Variants in REL observed in about 807,000 individuals in gnomAD.
The protein encoded by REL is REL proto-oncogene, NF-kB subunit.
In REL, 15 loss-of-function variants were observed where a neutral mutation model predicts 45.9. The ratio of observed to expected loss-of-function variants is 0.33; its 90% CI spans 0.22 to 0.50. REL has a LOEUF of 0.50. Among genes scored for constraint, REL ranks in the 20% least tolerant of loss-of-function variants. REL has a pLI of 0.98. For missense variants in REL, 601 were observed against 715.2 expected (o/e 0.84, Z 1.82); for synonymous variants, 239 against 242.1 (o/e 0.99, Z 0.12).
In REL at chr2:60,900,973, A is replaced by G. The variant is rs1051762444; in HGVS notation, c.303-19A>G. The G allele has an allele frequency of 6.3e-7, 1 of 1,587,732 alleles. No homozygotes were observed. The highest frequency in any genetic ancestry group is 8.6e-7 in the Non-Finnish European group (1 of 1,165,422). On this transcript the variant is annotated intron_variant, in intron 3 of 9. Transcript: ENST00000394479. ...TTGTGTTTATAATGCAGTTTTGAAT[A>G]TTGTTTTTTTCCTGCTAGTTTCCAA...
chr2:60,906,937 G>A (rs1365851970), intron 4 of REL, among the ~76,000 whole-genome samples: 1 of 114,712 alleles, frequency 8.7e-6, no homozygotes, highest in Non-Finnish European at 1.8e-5. Flanking sequence ...TTTCTTTTCC[G>A]AGACAGAGTT....
rs767519747 is a variant in REL at position 60,918,408 on chromosome 2, C to G, written c.655C>G (p.Arg219Gly). Residue 219 changes from arginine (R) to glycine (G), a missense_variant, in exon 7 of 10, where the codon CGT becomes GGT. Transcript: ENST00000394479. ...TTATTGACTAGATGACATAGAAGTT[C>G]GTTTTGTGTTGAACGATTGGGAAGC... ...DKVQKDDIEV[R>G]FVLNDWEAKG... 5 of 1,606,446 alleles carry G rather than the reference C, an allele frequency of 3.1e-6. No homozygotes were observed. The highest frequency in any genetic ancestry group is 4.2e-6 in the Non-Finnish European group (5 of 1,177,440).
In REL at chr2:60,923,326, T is replaced by G. The variant is rs1028167363; in HGVS notation, c.*791T>G. ...TCAAGGTATGGGAGGTTTTCTACAT[T>G]TTATACTATTTCAATCTATGCCTTT... On this transcript the variant is annotated 3_prime_UTR_variant, in exon 10 of 10. Coordinates refer to ENST00000394479, the MANE Select transcript of REL (RefSeq NM_001291746.2). 2 of 225,488 alleles carry G rather than the reference T, an allele frequency of 8.9e-6. No individual in the cohort carries two copies. The highest frequency in any genetic ancestry group is 1.8e-5 in the Non-Finnish European group (2 of 113,140). The allele number at this position is 225,488 out of a possible 1,614,324, so 14.0% of individuals were successfully genotyped here.
chr2:60,901,541 G>A (rs1218974194), intron 4 of REL, among the ~76,000 whole-genome samples: 2 of 152,026 alleles, frequency 1.3e-5, no homozygotes, highest in African/African-American at 2.4e-5. Context: ...GAGGAATGAC[G>A]TATACTATTT....
At chr2:60,890,764 A>G (rs1382250915) in intron 1 of REL, among the ~76,000 whole-genome samples, 1 of 152,216 alleles carries the variant, frequency 6.6e-6, no homozygotes, top group Non-Finnish European at 1.5e-5. Flanking sequence ...TGGAATCATC[A>G]TCACAAGATA....
In REL at chr2:60,925,912, G is replaced by A. The variant is rs981122497; in HGVS notation, c.*3377G>A. ...TAAATAAGTGTTGGCTAGTTTTGCG[G>A]TGTAAGCAGAATTAAGGTTCTGCTA... On this transcript the variant is annotated 3_prime_UTR_variant, in exon 10 of 10. Coordinates refer to ENST00000394479, the MANE Select transcript of REL (RefSeq NM_001291746.2). 1 of 225,496 alleles carries A rather than the reference G, an allele frequency of 4.4e-6. No individual in the cohort carries two copies. Among genetic ancestry groups the A allele is most frequent in the Non-Finnish European group, 8.8e-6 (1 of 113,062 alleles). 14.0% of individuals were successfully genotyped at this position (225,496 alleles called of 1,614,324 possible).
intron 5 of REL, among the ~76,000 whole-genome samples, chr2:60,917,918 A>G (rs1674027548): frequency 6.6e-6 from 1 of 152,152 alleles, no homozygotes; most frequent in Admixed American, 6.6e-5. Flanking sequence ...ATCTGGTGAC[A>G]GTGGGTAGGA....
intron 4 of REL, among the ~76,000 whole-genome samples, chr2:60,914,610 A>G (rs1438902317): frequency 6.6e-6 from 1 of 152,132 alleles, no homozygotes; most frequent in Non-Finnish European, 1.5e-5. Flanking sequence ...GCTATGGAAC[A>G]TTTCCATCAC....
chr2:60,909,707 C>A (rs887686958), intron 4 of REL, among the ~76,000 whole-genome samples: 1 of 152,132 alleles, frequency 6.6e-6, no homozygotes, highest in Admixed American at 6.5e-5. Context: ...TACAGACCAT[C>A]CTGGCCAACA....
intron 3 of REL, among the ~76,000 whole-genome samples, chr2:60,897,410 C>T (rs534404214): frequency 2.0e-5 from 3 of 151,556 alleles, no homozygotes; most frequent in South Asian, 2.1e-4. Context: ...CAAGTTCATG[C>T]AATTTTTGTG....
Position 60,901,006 on chromosome 2 carries a change from G to T in REL, c.317G>T (p.Gly106Val). Residue 106 changes from glycine to valine, a missense_variant, in exon 4 of 10, where the codon GGT (glycine) becomes GTT (valine). By Grantham distance (109) the Gly-to-Val change is moderately radical. Coordinates refer to ENST00000394479, the MANE Select transcript of REL (RefSeq NM_001291746.2). ...TTTCCTGCTAGTTTCCAAAATTTGGGTATTCGATGTGTGAAGAAAAAAGAA... is the reference window on the plus strand; with the variant it reads ...TTTCCTGCTAGTTTCCAAAATTTGGTTATTCGATGTGTGAAGAAAAAAGAA... The part of the protein sequence containing the change: ...ERRPLFFQNL[G>V]IRCVKKKEVK... The T allele has an allele frequency of 6.2e-7, 1 of 1,605,596 alleles. No homozygotes were observed. The highest frequency in any genetic ancestry group is 8.5e-7 in the Non-Finnish European group (1 of 1,177,810).
intron 8 of REL, 45 bp from the exon 9 acceptor site, chr2:60,920,529 A>T (rs370039763): frequency 2.3e-5 from 33 of 1,417,310 alleles, no homozygotes; most frequent in Non-Finnish European, 3.0e-5. Context: ...TGATAATGTT[A>T]TTTTTCAAAT....
chr2:60,896,209 A>G (rs577156559), intron 3 of REL, among the ~76,000 whole-genome samples: 36 of 152,186 alleles, frequency 2.4e-4, no homozygotes, highest in African/African-American at 8.4e-4. Flanking sequence ...GGGTTTCACC[A>G]TGTTGGCTGG....
At position 60,930,468 on chromosome 2, in the gene REL, G is replaced by A. The variant is rs1674362062; in HGVS notation, c.*7933G>A. 6.6e-6 allele frequency: 1 copy of A among 152,308 alleles called. No homozygotes were observed. Among genetic ancestry groups the A allele is most frequent in the Admixed American group, 6.5e-5 (1 of 15,270 alleles). The allele number at this position is 152,308 out of a possible 1,614,324, so 9.4% of individuals were successfully genotyped here. A position where few individuals can be genotyped will look rare whatever the true frequency, so the allele number is the denominator to read the frequency against. ...AATAGGTGACTAATCAGAGATAAAT[G>A]TATGGGTTGTCTGTATCTAGTTTTA... On this transcript the variant is annotated 3_prime_UTR_variant, in exon 10 of 10. Coordinates refer to ENST00000394479, the MANE Select transcript of REL (RefSeq NM_001291746.2).
At chr2:60,885,180 G>C (rs551762006) in intron 1 of REL, among the ~76,000 whole-genome samples, 1 of 152,292 alleles carries the variant, frequency 6.6e-6, no homozygotes, top group African/African-American at 2.4e-5. Flanking sequence ...AAGGGACTCA[G>C]AATTTCATTT....
chr2:60,900,976 G>A lies in REL; in HGVS notation c.303-16G>A. ...TGTTTATAATGCAGTTTTGAATATT[G>A]TTTTTTTCCTGCTAGTTTCCAAAAT... On this transcript the variant is annotated splice_polypyrimidine_tract_variant and intron_variant, in intron 3 of 9. Coordinates refer to ENST00000394479, the MANE Select transcript of REL (RefSeq NM_001291746.2). 1 of 1,590,576 alleles carries A rather than the reference G, an allele frequency of 6.3e-7. No individual in the cohort carries two copies. The highest frequency in any genetic ancestry group is 8.6e-7 in the Non-Finnish European group (1 of 1,168,416).
intron 4 of REL, among the ~76,000 whole-genome samples, chr2:60,902,651 T>C (rs1367270369): frequency 6.6e-6 from 1 of 150,900 alleles, no homozygotes; most frequent in Non-Finnish European, 1.5e-5. Context: ...TGGAGTGCAG[T>C]GATGTGATCA....
At chr2:60,914,635 C>G (rs1424183912) in intron 4 of REL, among the ~76,000 whole-genome samples, 1 of 152,138 alleles carries the variant, frequency 6.6e-6, no homozygotes, top group Non-Finnish European at 1.5e-5. Context: ...TAAAATTTCC[C>G]TGGTCCCCTT....
intron 5 of REL, among the ~76,000 whole-genome samples, chr2:60,917,813 A>G (rs1674025316): frequency 6.6e-6 from 1 of 151,998 alleles, no homozygotes; most frequent in African/African-American, 2.4e-5. Flanking sequence ...TTAGGGCTAT[A>G]AAGGAAGCAT....
Sources: allele counts gnomAD v4.1 joint callset (sites outside exome capture counted in the v4.1 genomes callset), GRCh38; gene constraint gnomAD v4.1.1; transcripts MANE v1.5; gene names NCBI Gene and HGNC (gene_info 2026-07-23, HGNC 2026-07-21).